The following DNAH5 variants were observed in gnomAD, a reference collection of about 807,000 sequenced individuals.
DNAH5 encodes axonemal beta dynein heavy chain 5.
DNAH5 carries 372 observed loss-of-function variants against 518.2 expected under a neutral mutation model. The ratio of observed to expected loss-of-function variants is 0.72; its 90% CI spans 0.66 to 0.78. DNAH5 has a LOEUF of 0.78. DNAH5 is among the 30% of genes least tolerant of loss of function. The pLI, the probability that DNAH5 is intolerant of heterozygous loss-of-function variation, is 0.00. For missense variants in DNAH5, 5,523 were observed against 5,687.0 expected, an observed-to-expected ratio of 0.97 and a Z score of 0.93; for synonymous variants, 2,039 against 2,025.9, an observed-to-expected ratio of 1.01 and a Z score of -0.17.
At chr5:13,891,788 G>T (rs1773255591) in intron 16 of DNAH5, among the ~76,000 whole-genome samples, 1 of 152,046 alleles carries the variant, frequency 6.6e-6, no homozygotes, top group African/African-American at 2.4e-5. Context: ...ATATCATAGG[G>T]TACATTTTTT....
At position 13,864,566 on chromosome 5, in the gene DNAH5, A is replaced by T; in HGVS notation, c.4427T>A (p.Phe1476Tyr). 3 of 1,614,130 alleles carry T rather than the reference A, an allele frequency of 1.9e-6. No homozygotes were observed. In the South Asian group the frequency reaches 3.3e-5, roughly 18 times the overall value. ...TTCCAGCAGCGGGCAACACTCGCTGAAATCATCAATGATCTTCTTCAGGTC... is the reference window on the plus strand; with the variant it reads ...TTCCAGCAGCGGGCAACACTCGCTGTAATCATCAATGATCTTCTTCAGGTC... ...FLDLKKIIDD[F>Y]SECCPLLEYM... Residue 1476 changes from phenylalanine to tyrosine, a missense_variant, in exon 28 of 79, where the codon TTC becomes TAC. Physicochemically the swap from Phe to Tyr is conservative, Grantham distance 22. Transcript: ENST00000265104.
chr5:13,800,136 G>T (rs563229609), intron 47 of DNAH5, among the ~76,000 whole-genome samples: 8 of 152,232 alleles, frequency 5.3e-5, no homozygotes, highest in Admixed American at 5.2e-4. Context: ...CCTGCATTTT[G>T]ACTACAACCT....
chr5:13,724,741 C>G (rs557079767), intron 70 of DNAH5, among the ~76,000 whole-genome samples: 11 of 152,150 alleles, frequency 7.2e-5, no homozygotes, highest in Non-Finnish European at 1.0e-4. Context: ...CTTCCCAGAT[C>G]TGGTTGTTTA....
At chr5:13,923,092 C>A (rs1777483240) in intron 4 of DNAH5, among the ~76,000 whole-genome samples, 188 bp downstream of exon 4, 1 of 152,106 alleles carries the variant, frequency 6.6e-6, no homozygotes, top group Admixed American at 6.5e-5. Flanking sequence ...AATATTAAGT[C>A]CTCTTACTCA....
At chr5:13,840,087 A>C (rs974971733) in intron 34 of DNAH5, among the ~76,000 whole-genome samples, 1 of 151,640 alleles carries the variant, frequency 6.6e-6, no homozygotes, top group Admixed American at 6.6e-5. Flanking sequence ...CACTTTCATC[A>C]TTTTCTTTGA....
At chr5:13,941,135 T>G (rs1274000595) in intron 1 of DNAH5, among the ~76,000 whole-genome samples, 1 of 152,162 alleles carries the variant, frequency 6.6e-6, no homozygotes, top group Non-Finnish European at 1.5e-5. Flanking sequence ...GGAGGATTGC[T>G]TGAGGCCAGG....
chr5:13,743,277 A>T (rs1748864663), intron 65 of DNAH5, among the ~76,000 whole-genome samples: 1 of 152,130 alleles, frequency 6.6e-6, no homozygotes, highest in Non-Finnish European at 1.5e-5. Context: ...GCTACAATGT[A>T]AAATTCTTAT....
At chr5:13,774,377 G>C (rs1753779971) in intron 55 of DNAH5, among the ~76,000 whole-genome samples, 1 of 152,136 alleles carries the variant, frequency 6.6e-6, no homozygotes, top group African/African-American at 2.4e-5. Flanking sequence ...TTGAGTTTCA[G>C]ACATTTTCAG....
intron 22 of DNAH5, among the ~76,000 whole-genome samples, chr5:13,876,449 T>C (rs557145030): frequency 1.3e-5 from 2 of 152,340 alleles, no homozygotes; most frequent in South Asian, 2.1e-4. Context: ...TAAAAGAATA[T>C]ATTAAAAGCA....
chr5:13,842,879 G>A (rs1393517694), intron 32 of DNAH5, among the ~76,000 whole-genome samples: 1 of 152,194 alleles, frequency 6.6e-6, no homozygotes. Context: ...AGAAACAGCT[G>A]CTAAGAACAA....
chr5:13,835,932 T>C (rs559410296), intron 35 of DNAH5, among the ~76,000 whole-genome samples: 4 of 151,990 alleles, frequency 2.6e-5, no homozygotes, highest in Non-Finnish European at 5.9e-5. Context: ...GGGGTGAAAA[T>C]GGTCACATTC....
In DNAH5 at chr5:13,766,197, C is replaced by T. The variant is rs181478641; in HGVS notation, c.9898-18G>A. 6.1e-4 allele frequency: 980 copies of T among 1,613,256 alleles called. No homozygotes were observed. The highest frequency in any genetic ancestry group is 7.6e-4 in the Non-Finnish European group (899 of 1,179,292). ...CTGATGGTCTGGGGGATGAAAGGAA[C>T]GATCACCCAACCACAGATAGGAAAG... On this transcript the variant is annotated intron_variant, in intron 58 of 78. Coordinates refer to ENST00000265104, the MANE Select transcript of DNAH5 (RefSeq NM_001369.3).
chr5:13,967,575 A>G (rs776957647), intron 1 of DNAH5, among the ~76,000 whole-genome samples: 44 of 152,324 alleles, frequency 2.9e-4, no homozygotes, highest in Middle Eastern at 6.8e-3. Context: ...TTTGATGACT[A>G]TAGCCTTATA....
rs567280414 is a variant in DNAH5 at position 13,831,173 on chromosome 5, G to A, written c.5883-398C>T. On this transcript the variant is annotated intron_variant, in intron 35 of 78. Coordinates refer to ENST00000265104, the MANE Select transcript of DNAH5 (RefSeq NM_001369.3). The stretch of plus-strand genomic sequence containing the variant: ...TGTATATATTCTGTGAAACAGATCG[G>A]GATCCTTTCAAATAGATTAATCCCC... Among the ~76,000 whole-genome samples, 400 of 152,236 alleles carry A rather than the reference G, an allele frequency of 2.6e-3. 2 individuals carry two copies. The highest frequency in any genetic ancestry group is 4.7e-3 in the Non-Finnish European group (320 of 68,014).
intron 41 of DNAH5, among the ~76,000 whole-genome samples, chr5:13,819,234 A>C (rs138015134): frequency 1.2e-4 from 19 of 152,304 alleles, no homozygotes; most frequent in African/African-American, 4.6e-4. Context: ...CCAAAACAGA[A>C]TCTTAACAGC....
chr5:13,723,180 C>T (rs1263137260), intron 70 of DNAH5, among the ~76,000 whole-genome samples: 1 of 152,204 alleles, frequency 6.6e-6, no homozygotes, highest in Non-Finnish European at 1.5e-5. Context: ...CTCTAACTTG[C>T]ATATAAAAGC....
chr5:13,949,332 A>G (rs1169868596), upstream of DNAH5, among the ~76,000 whole-genome samples: 1 of 152,212 alleles, frequency 6.6e-6, no homozygotes, highest in East Asian at 1.9e-4. Flanking sequence ...AAAACTCACA[A>G]TAAAAAGAAA....
chr5:13,824,242 G>A lies in DNAH5; in HGVS notation c.6536C>T (p.Thr2179Met), dbSNP rs1762605071. Residue 2179 changes from threonine to methionine, a missense_variant, in exon 39 of 79, where the codon ACG becomes ATG. Around this residue, in one of 3 missense-constraint regions of DNAH5, gnomAD observed 5,121 missense variants for 5,223.3 expected, o/e 0.98. Transcript: ENST00000265104. ...KRANPMDTES[T>M]IVMRVLRDMN... is the part of the protein sequence containing the mutation. ...GTCCCGTAGTACACGCATGACAATC[G>A]TGGACTCCGTATCCATTGGATTGGC... is the stretch of plus-strand genomic sequence containing the variant. The A allele has an allele frequency of 4.3e-6, 7 of 1,613,912 alleles. No individual in the cohort carries two copies. Among genetic ancestry groups the A allele is most frequent in the East Asian group, 2.2e-5 (1 of 44,886 alleles).
chr5:13,976,729 A>ACC (rs1303946752), intron 1 of DNAH5, among the ~76,000 whole-genome samples: 37 of 151,260 alleles, frequency 2.4e-4, no homozygotes, highest in African/African-American at 8.7e-4. Context: ...ACACATACAC[A>ACC]CACACACACA....
Sources: gnomAD v4.1 joint callset for allele counts (sites outside exome capture counted in the v4.1 genomes callset) on GRCh38, gnomAD v4.1.1 for gene constraint, gnomAD v4.1.1 regional missense constraint, MANE v1.5 for transcripts, NCBI Gene and HGNC (gene_info 2026-07-23, HGNC 2026-07-21) for gene names.